Variants in GALNT13 observed in about 807,000 individuals in gnomAD.
The protein encoded by GALNT13 is polypeptide N-acetylgalactosaminyltransferase 13.
In GALNT13, 28 loss-of-function variants were observed where a neutral mutation model predicts 64.2. The ratio of observed to expected loss-of-function variants is 0.44; its 90% CI spans 0.32 to 0.60. GALNT13 has a LOEUF of 0.60. Ranked by LOEUF, GALNT13 falls within the 20% of genes least tolerant of loss-of-function variation. The probability of loss-of-function intolerance (pLI) is 0.05; values close to 1 mark genes in which losing one functional copy is unlikely to be tolerated. For synonymous variants in GALNT13, 214 were observed against 224.6 expected, an observed-to-expected ratio of 0.95 and a Z score of 0.42; for missense variants, 577 against 669.8, an observed-to-expected ratio of 0.86 and a Z score of 1.53.
At position 153,989,967 on chromosome 2, in the gene GALNT13, A is replaced by G. The variant is rs1352719133; in HGVS notation, c.142+45328A>G. Among the ~76,000 whole-genome samples, 6 of 152,124 alleles carry G rather than the reference A, an allele frequency of 3.9e-5. No homozygotes were observed. The East Asian group carries it at 1.2e-3, about 29-fold the overall frequency. ...AAAACAAAACAAAAAAGGATCAACA[A>G]CATATGACAATATGTTGGTTGAAAT... On this transcript the variant is annotated intron_variant, in intron 3 of 12. Transcript: ENST00000392825.
chr2:153,891,822 C>G (rs1202927972), intron 1 of GALNT13, among the ~76,000 whole-genome samples: 1 of 148,974 alleles, frequency 6.7e-6, no homozygotes, highest in Non-Finnish European at 1.5e-5. Flanking sequence ...TCTTAGAGAT[C>G]TATTCCAAAT....
chr2:153,783,237 A>T, the GALNT13 span, among the ~76,000 whole-genome samples: 1 of 152,352 alleles, frequency 6.6e-6, no homozygotes, highest in African/African-American at 2.4e-5. Context: ...GCTTTGGAAA[A>T]TATGCAGTTT....
At chr2:153,834,822 G>A in the GALNT13 span, among the ~76,000 whole-genome samples, 1 of 152,094 alleles carries the variant, frequency 6.6e-6, no homozygotes, top group Non-Finnish European at 1.5e-5. Flanking sequence ...AACATGAGGT[G>A]GAGTTGGAGC....
intron 3 of GALNT13, among the ~76,000 whole-genome samples, chr2:154,104,777 G>C (rs1702525587): frequency 6.6e-6 from 1 of 152,188 alleles, no homozygotes; most frequent in Non-Finnish European, 1.5e-5. Context: ...GTGTTTGTGG[G>C]AGATTTAGTG....
the GALNT13 span, among the ~76,000 whole-genome samples, chr2:153,222,307 T>TGGGGGGGG: frequency 1.4e-3 from 9 of 6,316 alleles, no homozygotes; most frequent in Non-Finnish European, 3.5e-3. Flanking sequence ...TGAGTCTGGC[T>TGGGGGGGG]GGGGGGGGGG....
At chr2:154,340,516 C>T (rs1037557559) in intron 9 of GALNT13, among the ~76,000 whole-genome samples, 10 of 151,938 alleles carry the variant, frequency 6.6e-5, no homozygotes, top group African/African-American at 2.4e-4. Flanking sequence ...TTTTTTGATT[C>T]ATTTCTTTAT....
chr2:153,533,930 G>T, the GALNT13 span, among the ~76,000 whole-genome samples: 1 of 150,754 alleles, frequency 6.6e-6, no homozygotes, highest in Non-Finnish European at 1.5e-5. Flanking sequence ...GGAGAACGGG[G>T]TCTTGCTATA....
chr2:153,714,341 A>G, the GALNT13 span, among the ~76,000 whole-genome samples: 1 of 152,216 alleles, frequency 6.6e-6, no homozygotes, highest in Non-Finnish European at 1.5e-5. Flanking sequence ...GTTATTAAAT[A>G]TATAATTAAA....
At chr2:153,722,919 A>G in the GALNT13 span, among the ~76,000 whole-genome samples, 1 of 151,614 alleles carries the variant, frequency 6.6e-6, no homozygotes, top group Non-Finnish European at 1.5e-5. Context: ...ATTCCAATCA[A>G]TAGAAAAAGA....
Position 154,451,618 on chromosome 2 carries a change from T to C in GALNT13, c.*1067T>C, listed in dbSNP as rs774607074. ...ATACACATTCATTAAACTTTTGTTGTAATTAAACTGCTATATATTGTTTGC... is the reference window on the plus strand; with the variant it reads ...ATACACATTCATTAAACTTTTGTTGCAATTAAACTGCTATATATTGTTTGC... On this transcript the variant is annotated 3_prime_UTR_variant, in exon 13 of 13. Coordinates refer to ENST00000392825, the MANE Select transcript of GALNT13 (RefSeq NM_052917.4). 3.9e-5 allele frequency: 6 copies of C among 152,142 alleles called. No homozygotes were observed. The highest frequency in any genetic ancestry group is 6.6e-5 in the Admixed American group (1 of 15,236). 9.4% of individuals were successfully genotyped at this position (152,142 alleles called of 1,614,324 possible).
chr2:153,373,164 G>A, the GALNT13 span, among the ~76,000 whole-genome samples: 6 of 151,546 alleles, frequency 4.0e-5, no homozygotes, highest in Non-Finnish European at 8.8e-5. Context: ...GTGTGTGCAC[G>A]TGTGTTCATG....
the GALNT13 span, among the ~76,000 whole-genome samples, chr2:153,491,914 G>A: frequency 2.0e-5 from 3 of 152,004 alleles, no homozygotes; most frequent in Non-Finnish European, 4.4e-5. Flanking sequence ...TACCATGCCC[G>A]GCCGTATTAT....
At chr2:154,128,187 T>C (rs910017771) in intron 3 of GALNT13, among the ~76,000 whole-genome samples, 1 of 152,110 alleles carries the variant, frequency 6.6e-6, no homozygotes, top group South Asian at 2.1e-4. Context: ...TAGCTTTGTG[T>C]TGATGTTTAT....
At chr2:153,552,120 C>T in the GALNT13 span, among the ~76,000 whole-genome samples, 1 of 152,094 alleles carries the variant, frequency 6.6e-6, no homozygotes, top group Non-Finnish European at 1.5e-5. Flanking sequence ...AAATTGACCC[C>T]TGGATTTAGC....
chr2:153,878,839 A>T (rs1018038024), intron 1 of GALNT13, among the ~76,000 whole-genome samples: 1 of 152,156 alleles, frequency 6.6e-6, no homozygotes, highest in African/African-American at 2.4e-5. Context: ...TGCTTTAGAT[A>T]GTGTCTATTT....
At chr2:153,910,741 T>A (rs778301089) in intron 2 of GALNT13, among the ~76,000 whole-genome samples, 4 of 152,304 alleles carry the variant, frequency 2.6e-5, no homozygotes, top group Non-Finnish European at 5.9e-5. Context: ...TGTATGGTTT[T>A]GAGTGATTTT....
chr2:154,103,916 T>C (rs1279332749), intron 3 of GALNT13, among the ~76,000 whole-genome samples: 1 of 152,114 alleles, frequency 6.6e-6, no homozygotes, highest in Non-Finnish European at 1.5e-5. Flanking sequence ...AGATTTTTTA[T>C]TTTGTGTTCC....
intron 3 of GALNT13, among the ~76,000 whole-genome samples, chr2:154,033,758 T>C (rs570566688): frequency 6.6e-6 from 1 of 152,182 alleles, no homozygotes; most frequent in African/African-American, 2.4e-5. Context: ...GCCAATATAG[T>C]GAAACCCCAT....
At chr2:153,069,708 G>A in the GALNT13 span, among the ~76,000 whole-genome samples, 7,338 of 152,204 alleles carry the variant, frequency 0.048, 601 homozygotes, top group African/African-American at 0.17. Flanking sequence ...CGAAGGTGAT[G>A]TCCTACAAAT....
Sources: gnomAD v4.1 joint callset for allele counts (sites outside exome capture counted in the v4.1 genomes callset) on GRCh38, gnomAD v4.1.1 for gene constraint, MANE v1.5 for transcripts, NCBI Gene and HGNC (gene_info 2026-07-23, HGNC 2026-07-21) for gene names.